The following ENPP3 variants were observed in gnomAD, a reference collection of about 807,000 sequenced individuals.
ENPP3 encodes ectonucleotide pyrophosphatase/phosphodiesterase 3.
In ENPP3, 104 loss-of-function variants were observed where a neutral mutation model predicts 117.8. The observed-to-expected ratio is 0.88, with a 90% CI of 0.75 to 1.04. The LOEUF is 1.04. Among genes scored for constraint, ENPP3 ranks in the 50% least tolerant of loss-of-function variants. The pLI is 0.00. For missense variants in ENPP3, 1,026 were observed against 1,051.9 expected, an observed-to-expected ratio of 0.98 and a Z score of 0.34; for synonymous variants, 380 against 349.9, an observed-to-expected ratio of 1.09 and a Z score of -0.96.
intron 11 of ENPP3, among the ~76,000 whole-genome samples, chr6:131,679,611 C>G (rs1778979281): frequency 6.6e-6 from 1 of 151,658 alleles, no homozygotes; most frequent in South Asian, 2.1e-4. Flanking sequence ...TCGGAGTCCC[C>G]CAAGAGATCT....
At chr6:131,742,142 C>T (rs1263896716) in intron 24 of ENPP3, among the ~76,000 whole-genome samples, 11 of 152,064 alleles carry the variant, frequency 7.2e-5, no homozygotes, top group Non-Finnish European at 2.9e-5. Context: ...GAGCCACTCA[C>T]TATTCTTAAA....
intron 2 of ENPP3, among the ~76,000 whole-genome samples, chr6:131,642,102 A>C (rs1778057780): frequency 6.6e-6 from 1 of 151,958 alleles, no homozygotes; most frequent in Non-Finnish European, 1.5e-5. Flanking sequence ...GCCCTTCTTC[A>C]TCTTTATAAT....
At chr6:131,698,180 T>C (rs62423417) in intron 15 of ENPP3, among the ~76,000 whole-genome samples, 6,365 of 152,112 alleles carry the variant, frequency 0.042, 217 homozygotes, top group Middle Eastern at 0.14. Flanking sequence ...ATTTGGGAAA[T>C]TGTTCAAGGG....
At chr6:131,724,176 G>A in intron 19 of ENPP3, 85 bp downstream of exon 19, 2 of 795,182 alleles carry the variant, frequency 2.5e-6, no homozygotes, top group East Asian at 3.4e-5. Context: ...TCCAAAATAA[G>A]CTGACAGAGG....
intron 14 of ENPP3, among the ~76,000 whole-genome samples, chr6:131,686,246 G>A (rs561567885): frequency 6.6e-6 from 1 of 152,222 alleles, no homozygotes; most frequent in East Asian, 1.9e-4. Flanking sequence ...AGAGGATAGT[G>A]AATTATACCT....
At chr6:131,641,680 C>G (rs533470954) in intron 2 of ENPP3, 150 bp downstream of exon 2, 6 of 530,272 alleles carry the variant, frequency 1.1e-5, no homozygotes, top group Admixed American at 8.7e-5. Context: ...CTCTACTTAT[C>G]GGGAGTCCAC....
intron 1 of ENPP3, among the ~76,000 whole-genome samples, chr6:131,638,802 C>CTT (rs373870303): frequency 1.4e-5 from 2 of 146,194 alleles, no homozygotes; most frequent in African/African-American, 5.0e-5. Flanking sequence ...CACACAATTT[C>CTT]TTTTTTTTTT....
In ENPP3 at chr6:131,683,064, C is replaced by G; in HGVS notation, c.1022C>G (p.Ala341Gly). 6.2e-7 allele frequency: 1 copy of G among 1,600,152 alleles called. No individual in the cohort carries two copies. Among genetic ancestry groups the G allele is most frequent in the Non-Finnish European group, 8.6e-7 (1 of 1,167,772 alleles). Residue 341 changes from alanine (A) to glycine (G), a missense_variant, in exon 12 of 25, where the codon GCC (alanine) becomes GGC (glycine). Coordinates refer to ENST00000357639, the MANE Select transcript of ENPP3 (RefSeq NM_005021.5). ...GGPVSARVIKALQVVDHAFGM... is the reference protein window; with the variant it reads ...GGPVSARVIKGLQVVDHAFGM... ...CAAATTATTTTTCAGGTAATTAAAG[C>G]CTTACAGGTAGTAGATCATGCTTTT...
At chr6:131,717,430 G>C (rs1249835769) in intron 15 of ENPP3, among the ~76,000 whole-genome samples, 1 of 149,466 alleles carries the variant, frequency 6.7e-6, no homozygotes, top group Non-Finnish European at 1.5e-5. Context: ...TGAGAGGTGA[G>C]GGTGGGGAAG....
At chr6:131,672,538 G>A (rs1054020267) in intron 7 of ENPP3, among the ~76,000 whole-genome samples, 7 of 152,026 alleles carry the variant, frequency 4.6e-5, no homozygotes, top group Non-Finnish European at 7.4e-5. Context: ...AGACAAAAAT[G>A]TCGTAATCAG....
chr6:131,733,218 T>C (rs1264822843), intron 20 of ENPP3, among the ~76,000 whole-genome samples: 1 of 152,198 alleles, frequency 6.6e-6, no homozygotes, highest in Non-Finnish European at 1.5e-5. Flanking sequence ...ATTTTAAAAG[T>C]AAATACATTT....
At chr6:131,673,831 T>G (rs1778804224) in intron 7 of ENPP3, among the ~76,000 whole-genome samples, 1 of 152,150 alleles carries the variant, frequency 6.6e-6, no homozygotes, top group African/African-American at 2.4e-5. Context: ...TGACATAGCA[T>G]GTATATTGCA....
In ENPP3 at chr6:131,677,883, C is replaced by T. The variant is rs1039675463; in HGVS notation, c.954C>T (p.Thr318=). The change falls in exon 11 of 25, where the codon ACC becomes ACT. Residue 318 remains threonine (T), a synonymous_variant. Coordinates refer to ENST00000357639, the MANE Select transcript of ENPP3 (RefSeq NM_005021.5). ...LPKAERPRFY[T]MYFEEPDSSG... is the part of the protein sequence containing the mutation. Reference sequence around the variant, plus strand: ...TTACCCCTAGACCCAGGTTTTATACCATGTATTTTGAAGAACCTGATTCCT... The same window carrying T: ...TTACCCCTAGACCCAGGTTTTATACTATGTATTTTGAAGAACCTGATTCCT... 30 of 1,605,650 alleles carry T rather than the reference C, an allele frequency of 1.9e-5. No individual in the cohort carries two copies. Among genetic ancestry groups the T allele is most frequent in the Non-Finnish European group, 2.5e-5 (29 of 1,172,792 alleles).
chr6:131,668,330 G>GC (rs60833818), intron 6 of ENPP3, among the ~76,000 whole-genome samples: 4,720 of 141,642 alleles, frequency 0.033, 105 homozygotes, highest in African/African-American at 0.056. Context: ...CTCCTGTCTC[G>GC]CCCCCCCCTG....
At chr6:131,680,782 A>G (rs183454316) in intron 11 of ENPP3, among the ~76,000 whole-genome samples, 2 of 152,346 alleles carry the variant, frequency 1.3e-5, no homozygotes, top group Admixed American at 1.3e-4. Context: ...ATTGTTGCCC[A>G]TTATAGGAAT....
chr6:131,694,694 C>A (rs1779361595), intron 15 of ENPP3, among the ~76,000 whole-genome samples: 1 of 151,834 alleles, frequency 6.6e-6, no homozygotes, highest in African/African-American at 2.4e-5. Flanking sequence ...AAAAATTAGC[C>A]AGGCATGGTA....
intron 6 of ENPP3, among the ~76,000 whole-genome samples, chr6:131,669,577 A>G (rs1778694261): frequency 6.7e-6 from 1 of 149,954 alleles, no homozygotes; most frequent in South Asian, 2.1e-4. Context: ...GGGAGGCTGA[A>G]CTCAGGAGGC....
chr6:131,690,510 C>A (rs893938601), intron 14 of ENPP3, among the ~76,000 whole-genome samples: 17 of 152,200 alleles, frequency 1.1e-4, no homozygotes, highest in African/African-American at 3.9e-4. Flanking sequence ...CTGTTGCACA[C>A]TTAAAAGATT....
intron 2 of ENPP3, among the ~76,000 whole-genome samples, chr6:131,649,301 G>A (rs1013155544): frequency 6.6e-6 from 1 of 152,034 alleles, no homozygotes; most frequent in East Asian, 1.9e-4. Context: ...ATGGCTTCCT[G>A]TTACCAAAGG....
Sources: gnomAD v4.1 joint callset for allele counts (sites outside exome capture counted in the v4.1 genomes callset) on GRCh38, gnomAD v4.1.1 for gene constraint, MANE v1.5 for transcripts, NCBI Gene and HGNC (gene_info 2026-07-23, HGNC 2026-07-21) for gene names.